TXN2: variants seen among roughly 807,000 people sequenced by gnomAD.
The protein encoded by TXN2 is thioredoxin, mitochondrial.
Under a neutral mutation model 14.6 loss-of-function variants are expected in TXN2, and 12 were observed. The ratio of observed to expected loss-of-function variants is 0.82; its 90% CI spans 0.53 to 1.33. The LOEUF is 1.33. Among genes scored for constraint, TXN2 ranks in the 40% most tolerant of loss-of-function variants. The pLI, the probability that TXN2 is intolerant of heterozygous loss-of-function variation, is 0.00. For synonymous variants in TXN2, 89 were observed against 81.0 expected, an observed-to-expected ratio of 1.10 and a Z score of -0.53; for missense variants, 173 against 207.7, an observed-to-expected ratio of 0.83 and a Z score of 1.03.
chr22:36,476,452 C>T (rs186395464), intron 3 of TXN2, among the ~76,000 whole-genome samples: 3 of 151,984 alleles, frequency 2.0e-5, no homozygotes, highest in Non-Finnish European at 2.9e-5. Context: ...ATTAGCTGGG[C>T]GTGGTGGTGT....
In TXN2 at chr22:36,480,880, A is replaced by C. The variant is rs1402905078; in HGVS notation, c.1-43T>G. The C allele has an allele frequency of 4.0e-6, 6 of 1,513,676 alleles. No individual in the cohort carries two copies. In the South Asian group the frequency reaches 8.0e-5, roughly 20 times the overall value. The allele number at this position is 1,513,676 out of a possible 1,614,324, so 93.8% of individuals were successfully genotyped here. A position where few individuals can be genotyped will look rare whatever the true frequency, so the allele number is the denominator to read the frequency against. ...AGAAGAACTGGGGCACACAAAAGGA[A>C]GTCGACACACTAGAAAAAGATTTGG... On this transcript the variant is annotated intron_variant, in intron 1 of 3. Coordinates refer to ENST00000216185, the MANE Select transcript of TXN2 (RefSeq NM_012473.4).
At chr22:36,475,750 A>C (rs1933372785) in intron 3 of TXN2, among the ~76,000 whole-genome samples, 1 of 152,202 alleles carries the variant, frequency 6.6e-6, no homozygotes, top group Non-Finnish European at 1.5e-5. Flanking sequence ...CCTTATCCTC[A>C]ACACCAAGTA....
Position 36,476,641 on chromosome 22 carries a change from T to C in TXN2, c.387+92A>G, listed in dbSNP as rs1603488833. 3.9e-6 allele frequency: 6 copies of C among 1,539,900 alleles called. No homozygotes were observed. The South Asian group carries it at 7.2e-5, about 18-fold the overall frequency. ...CAAGACACCTTGCTTACTGGCTACC[T>C]GTGCTCCCCAAGATACCTCCTACAC... On this transcript the variant is annotated intron_variant, in intron 3 of 3. Coordinates refer to ENST00000216185, the MANE Select transcript of TXN2 (RefSeq NM_012473.4).
intron 3 of TXN2, among the ~76,000 whole-genome samples, chr22:36,473,386 T>A (rs1338177685): frequency 1.3e-5 from 2 of 152,086 alleles, no homozygotes; most frequent in Non-Finnish European, 2.9e-5. Context: ...GAGGTTGCAG[T>A]GAACCGAGAT....
Position 36,467,647 on chromosome 22 carries a change from G to T in TXN2, c.*157C>A, listed in dbSNP as rs536605429. ...ACCATCCTCTGATGGCCCCTGGGCA[G>T]TCCGCCAGCTCGGAAGCACTCAGGG... On this transcript the variant is annotated 3_prime_UTR_variant, in exon 4 of 4. Coordinates refer to ENST00000216185, the MANE Select transcript of TXN2 (RefSeq NM_012473.4). 2 of 655,544 alleles carry T rather than the reference G, an allele frequency of 3.1e-6. No homozygotes were observed. The highest frequency in any genetic ancestry group is 5.5e-5 in the East Asian group (2 of 36,078). 40.6% of individuals were successfully genotyped at this position (655,544 alleles called of 1,614,324 possible). A position where few individuals can be genotyped will look rare whatever the true frequency, so the allele number is the denominator to read the frequency against.
intron 3 of TXN2, among the ~76,000 whole-genome samples, chr22:36,470,764 C>T (rs1479762415): frequency 2.0e-5 from 3 of 148,442 alleles, no homozygotes; most frequent in South Asian, 4.3e-4. Context: ...AGCAAGACGT[C>T]GTCTCCATAA....
chr22:36,472,117 A>G (rs1933291539), intron 3 of TXN2, among the ~76,000 whole-genome samples: 2 of 152,368 alleles, frequency 1.3e-5, no homozygotes, highest in Middle Eastern at 3.4e-3. Flanking sequence ...GTGGGGACGC[A>G]TTAAAGGATT....
intron 3 of TXN2, chr22:36,468,593 G>A: frequency 2.5e-6 from 1 of 402,552 alleles, no homozygotes; most frequent in Non-Finnish European, 5.0e-6. Flanking sequence ...CAGGCATGGT[G>A]GTACATGCCT....
rs980200588 is a variant in TXN2, at chr22:36,481,585, G to A, written c.-22C>T. The A allele has an allele frequency of 1.3e-5, 13 of 1,000,186 alleles. No homozygotes were observed. The highest frequency in any genetic ancestry group is 4.7e-5 in the South Asian group (1 of 21,324). The allele number at this position is 1,000,186 out of a possible 1,614,324, so 62.0% of individuals were successfully genotyped here. On this transcript the variant is annotated 5_prime_UTR_variant, in exon 1 of 4. Transcript: ENST00000216185. ...CTACCTCCCTGCAATGCGAGCGGAG[G>A]GATGCACAGCCTAGCCCTCCCTGCC...
intron 3 of TXN2, among the ~76,000 whole-genome samples, chr22:36,469,065 A>AATAC (rs1458211392): frequency 3.6e-5 from 5 of 138,444 alleles, no homozygotes; most frequent in East Asian, 4.2e-4. Flanking sequence ...TAAATAAATA[A>AATAC]ATAAATACAT....
At chr22:36,468,972 G>A (rs1340053784) in intron 3 of TXN2, among the ~76,000 whole-genome samples, 3 of 151,144 alleles carry the variant, frequency 2.0e-5, no homozygotes, top group Non-Finnish European at 4.4e-5. Context: ...AACCTGGGAG[G>A]TGGAGGCTGG....
chr22:36,476,627 G>C (rs1459392176), intron 3 of TXN2, 106 bp downstream of exon 3: 1 of 1,472,070 alleles, frequency 6.8e-7, no homozygotes, highest in Non-Finnish European at 9.1e-7. Context: ...AAGACACCTT[G>C]CTTACTGGCT....
intron 1 of TXN2, chr22:36,481,069 C>T (rs1568980185): frequency 2.2e-6 from 1 of 448,746 alleles, no homozygotes. Flanking sequence ...AAAAAGAAAT[C>T]GGGATTTAGA....
intron 3 of TXN2, among the ~76,000 whole-genome samples, chr22:36,476,495 G>A (rs1446118284): frequency 6.6e-6 from 1 of 152,108 alleles, no homozygotes; most frequent in Admixed American, 6.6e-5. Context: ...GGGAGGCTGA[G>A]GCAGGAGAAT....
intron 3 of TXN2, among the ~76,000 whole-genome samples, chr22:36,471,354 C>A (rs1365959954): frequency 6.6e-6 from 1 of 152,146 alleles, no homozygotes; most frequent in Non-Finnish European, 1.5e-5. Flanking sequence ...TTTCTGCTAA[C>A]CCGTAGCTCG....
At chr22:36,471,235 C>T (rs144330161) in intron 3 of TXN2, among the ~76,000 whole-genome samples, 12 of 152,310 alleles carry the variant, frequency 7.9e-5, no homozygotes, top group East Asian at 7.7e-4. Flanking sequence ...AGATACGCTA[C>T]GACGTGTTGC....
chr22:36,470,366 G>C (rs1007147583), intron 3 of TXN2, among the ~76,000 whole-genome samples: 1 of 152,204 alleles, frequency 6.6e-6, no homozygotes, highest in Admixed American at 6.5e-5. Flanking sequence ...GGGCCCGAAA[G>C]AGTTTGCTCC....
rs1408016271 is a variant in TXN2, at chr22:36,480,776, T to C, written c.62A>G (p.Gln21Arg). ...LASVISRKPS[Q>R]GQWPPLTSRA... is the part of the protein sequence containing the mutation. Reference sequence around the variant, plus strand: ...GGAAGTGAGGGGTGGCCACTGACCCTGAGAGGGCTTCCTGGAGATGACAGA... The same window carrying C: ...GGAAGTGAGGGGTGGCCACTGACCCCGAGAGGGCTTCCTGGAGATGACAGA... The change falls in exon 2 of 4, where the codon CAG becomes CGG. Residue 21 changes from glutamine to arginine, a missense_variant. Gln to Arg is a conservative substitution (Grantham distance 43). Transcript: ENST00000216185. 1.9e-6 allele frequency: 3 copies of C among 1,612,432 alleles called. No individual in the cohort carries two copies. Among genetic ancestry groups the C allele is most frequent in the Non-Finnish European group, 2.5e-6 (3 of 1,179,084 alleles).
At chr22:36,469,134 C>G (rs537093092) in intron 3 of TXN2, among the ~76,000 whole-genome samples, 17 of 152,228 alleles carry the variant, frequency 1.1e-4, no homozygotes, top group Non-Finnish European at 2.2e-4. Context: ...GCCAGGTGAG[C>G]TGGGGCACGC....
Sources: gnomAD v4.1 joint callset for allele counts (sites outside exome capture counted in the v4.1 genomes callset) on GRCh38, gnomAD v4.1.1 for gene constraint, MANE v1.5 for transcripts, NCBI Gene and HGNC (gene_info 2026-07-23, HGNC 2026-07-21) for gene names.